Variants in TRAPPC9 observed in about 807,000 individuals in gnomAD.
The protein encoded by TRAPPC9 is trafficking protein particle complex subunit 9, also known as IKK2 binding protein.
TRAPPC9 carries 83 observed loss-of-function variants against 124.0 expected under a neutral mutation model. The observed-to-expected ratio is 0.67, with a 90% CI of 0.56 to 0.80. The LOEUF (loss-of-function observed/expected upper bound fraction) is 0.80. TRAPPC9 is among the 30% of genes least tolerant of loss of function. TRAPPC9 has a pLI of 0.00. For synonymous variants in TRAPPC9, 638 were observed against 617.5 expected (o/e 1.03, Z -0.49); for missense variants, 1,302 against 1,508.3 (o/e 0.86, Z 2.27).
chr8:140,374,276 G>C (rs2068370242), intron 7 of TRAPPC9, among the ~76,000 whole-genome samples: 1 of 152,100 alleles, frequency 6.6e-6, no homozygotes, highest in African/African-American at 2.4e-5. Flanking sequence ...CTGTAAAGAG[G>C]AGGCAGGGGT....
rs549126857 is a variant in TRAPPC9, at chr8:139,836,864, C to T, written c.3055+49015G>A. Among the ~76,000 whole-genome samples, 168 of 152,126 alleles carry T rather than the reference C, an allele frequency of 1.1e-3. 1 individual carries two copies. Among genetic ancestry groups the T allele is most frequent in the Non-Finnish European group, 1.3e-3 (86 of 68,008 alleles). On this transcript the variant is annotated intron_variant, in intron 21 of 22. Coordinates refer to ENST00000438773, the MANE Select transcript of TRAPPC9 (RefSeq NM_001160372.4). ...CATCATTGCCAGAAACAATGAGATA[C>T]GATGGTACCCCATCACCTCCAGGGA...
At chr8:140,290,921 A>T (rs1022707841) in intron 12 of TRAPPC9, 72 bp downstream of exon 12, 10 of 1,249,114 alleles carry the variant, frequency 8.0e-6, no homozygotes, top group Non-Finnish European at 1.2e-5. Context: ...TGCCTCAGAC[A>T]TTAAGTAAAA....
At chr8:140,270,637 A>G (rs1240322411) in intron 15 of TRAPPC9, among the ~76,000 whole-genome samples, 1 of 152,198 alleles carries the variant, frequency 6.6e-6, no homozygotes, top group African/African-American at 2.4e-5. Flanking sequence ...CCAGGAGCCC[A>G]GGCTTAGGCA....
chr8:140,262,465 C>T (rs767431035), intron 15 of TRAPPC9: 3 of 151,516 alleles, frequency 2.0e-5, no homozygotes, highest in Admixed American at 6.6e-5. Flanking sequence ...CAGCGTGACC[C>T]TAGAAATGTG....
intron 9 of TRAPPC9, among the ~76,000 whole-genome samples, chr8:140,355,007 A>G (rs1280175852): frequency 2.0e-5 from 3 of 152,264 alleles, no homozygotes; most frequent in Non-Finnish European, 4.4e-5. Context: ...GTTCAACAGT[A>G]TCAAGTGTCC....
At chr8:139,971,792 C>CATAT (rs1168384406) in intron 19 of TRAPPC9, among the ~76,000 whole-genome samples, 1 of 15,646 alleles carries the variant, frequency 6.4e-5, no homozygotes, top group Non-Finnish European at 1.3e-4. Flanking sequence ...CATATATACA[C>CATAT]ATATATATAT....
chr8:140,056,404 T>A (rs1842289463), intron 17 of TRAPPC9, among the ~76,000 whole-genome samples: 1 of 151,462 alleles, frequency 6.6e-6, no homozygotes, highest in African/African-American at 2.4e-5. Flanking sequence ...AGTAAGATCC[T>A]GTCTCTAAAA....
chr8:139,833,748 T>C (rs1288700846), intron 21 of TRAPPC9, among the ~76,000 whole-genome samples: 2 of 152,172 alleles, frequency 1.3e-5, no homozygotes, highest in Admixed American at 6.5e-5. Context: ...GACTTTCTCA[T>C]GAGGAGAGCT....
intron 17 of TRAPPC9, among the ~76,000 whole-genome samples, chr8:140,128,164 T>C (rs538192407): frequency 6.6e-6 from 1 of 152,388 alleles, no homozygotes; most frequent in East Asian, 1.9e-4. Flanking sequence ...TATCTTACTT[T>C]CCTGTGGCTC....
At chr8:140,036,648 C>A (rs1840908663) in intron 17 of TRAPPC9, among the ~76,000 whole-genome samples, 1 of 151,998 alleles carries the variant, frequency 6.6e-6, no homozygotes, top group African/African-American at 2.4e-5. Flanking sequence ...ACACACGAGT[C>A]CTGAGTGGGG....
intron 17 of TRAPPC9, among the ~76,000 whole-genome samples, chr8:140,041,201 C>T (rs1442015154): frequency 2.0e-5 from 3 of 152,136 alleles, no homozygotes; most frequent in Non-Finnish European, 4.4e-5. Context: ...CATCCCTGGA[C>T]CCATGAAGAA....
At chr8:140,440,250 G>A (rs536739646) in intron 2 of TRAPPC9, among the ~76,000 whole-genome samples, 19 of 152,306 alleles carry the variant, frequency 1.2e-4, no homozygotes, top group Non-Finnish European at 2.1e-4. Context: ...GCTCACGCCT[G>A]TAATCCCAGC....
intron 8 of TRAPPC9, among the ~76,000 whole-genome samples, chr8:140,362,055 C>T (rs935747868): frequency 2.0e-5 from 3 of 152,196 alleles, no homozygotes; most frequent in African/African-American, 4.8e-5. Flanking sequence ...TCTGTATTTC[C>T]GCTGTATTTT....
At chr8:140,163,021 T>TTTTACATTATTTGTAAAA (rs764391877) in intron 17 of TRAPPC9, among the ~76,000 whole-genome samples, 95 of 152,252 alleles carry the variant, frequency 6.2e-4, no homozygotes, top group Non-Finnish European at 1.2e-3. Context: ...CAATGGTAAA[T>TTTTACATTATTTGTAAAA]TTTACATTAT....
chr8:139,732,312 C>T, intron 21 of TRAPPC9, 110 bp from the exon 22 acceptor site: 1 of 1,010,066 alleles, frequency 9.9e-7, no homozygotes, highest in Non-Finnish European at 1.4e-6. Context: ...CTCTTCAAGG[C>T]TGCCACCCAC....
rs1817678558 is a variant in TRAPPC9 at position 139,728,977 on chromosome 8, T to A, written c.*2084A>T. Among the ~76,000 whole-genome samples the A allele has an allele frequency of 6.6e-6, 1 of 152,228 alleles. No homozygotes were observed. The highest frequency in any genetic ancestry group is 1.5e-5 in the Non-Finnish European group (1 of 68,044). ...CTGCCAGAGTTTTCCATATTGGCTT[T>A]TCTAGGCTTCTATATGCATCTATAT... On this transcript the variant is annotated 3_prime_UTR_variant, in exon 23 of 23. Coordinates refer to ENST00000438773, the MANE Select transcript of TRAPPC9 (RefSeq NM_001160372.4).
rs146682641 is a variant in TRAPPC9 at position 139,935,782 on chromosome 8, A to G, written c.2811-25482T>C. On this transcript the variant is annotated intron_variant, in intron 19 of 22. Coordinates refer to ENST00000438773, the MANE Select transcript of TRAPPC9 (RefSeq NM_001160372.4). ...AAGAATTATTTTGCTATTATAGCCT[A>G]CCATTATTTAGTGTTTTACAATTTA... 3.1e-4 allele frequency among the ~76,000 whole-genome samples: 47 copies of G among 151,652 alleles called. No individual in the cohort carries two copies. In the East Asian group the frequency reaches 7.8e-3, roughly 25 times the overall value.
intron 17 of TRAPPC9, chr8:140,040,387 T>C (rs1328025007): frequency 1.3e-5 from 2 of 152,236 alleles, no homozygotes; most frequent in South Asian, 2.1e-4. Context: ...CTGAGCTTAA[T>C]AGGAGCACGC....
chr8:140,294,881 G>C (rs897436983), intron 11 of TRAPPC9, among the ~76,000 whole-genome samples: 5 of 152,138 alleles, frequency 3.3e-5, no homozygotes, highest in Non-Finnish European at 7.4e-5. Context: ...CAGAGTACTA[G>C]AATTACAGGC....
Sources: gnomAD v4.1 joint callset for allele counts (sites outside exome capture counted in the v4.1 genomes callset) on GRCh38, gnomAD v4.1.1 for gene constraint, MANE v1.5 for transcripts, NCBI Gene and HGNC (gene_info 2026-07-23, HGNC 2026-07-21) for gene names.